RPRD2: variants seen among roughly 807,000 people sequenced by gnomAD.
The protein encoded by RPRD2 is regulation of nuclear pre-mRNA domain containing 2.
Under a neutral mutation model 104.4 loss-of-function variants are expected in RPRD2, and 12 were observed. The observed-to-expected ratio is 0.11, with a 90% CI of 0.07 to 0.19. The LOEUF is 0.19. RPRD2 is among the 10% of genes least tolerant of loss of function. The pLI is 1.00. For missense variants in RPRD2, 1,543 were observed against 1,790.1 expected (o/e 0.86, Z 2.49); for synonymous variants, 714 against 684.9 (o/e 1.04, Z -0.66).
At chr1:150,384,682 T>TG (rs200494207) in intron 1 of RPRD2, among the ~76,000 whole-genome samples, 31,752 of 122,818 alleles carry the variant, frequency 0.26, 4,161 homozygotes, top group Non-Finnish European at 0.34. Context: ...TGTGTGTGTG[T>TG]TTTTAGTAGA....
chr1:150,409,378 CCTTTT>C (rs1336509946), intron 1 of RPRD2, among the ~76,000 whole-genome samples: 1 of 152,102 alleles, frequency 6.6e-6, no homozygotes, highest in Non-Finnish European at 1.5e-5. Context: ...CTATTTTTCC[CCTTTT>C]CTTGTCTTCC....
At chr1:150,416,829 G>A (rs186788380) in intron 1 of RPRD2, among the ~76,000 whole-genome samples, 88 of 133,542 alleles carry the variant, frequency 6.6e-4, no homozygotes, top group Non-Finnish European at 1.1e-3. Context: ...CTGAGATTGC[G>A]CCACTTCACT....
intron 1 of RPRD2, among the ~76,000 whole-genome samples, chr1:150,392,397 G>A (rs72696855): frequency 0.076 from 11,502 of 152,020 alleles, 580 homozygotes; most frequent in Non-Finnish European, 0.11. Flanking sequence ...CCCAGTTATC[G>A]GGTAGGCTGA....
intron 9 of RPRD2, among the ~76,000 whole-genome samples, chr1:150,461,738 T>C (rs1381660420): frequency 6.6e-6 from 1 of 152,038 alleles, no homozygotes; most frequent in Non-Finnish European, 1.5e-5. Flanking sequence ...CCCAGCACTT[T>C]GGGAGGCCGA....
chr1:150,387,566 CCTTTTTTTTTTTTTTTTT>C (rs1162644242), intron 1 of RPRD2, among the ~76,000 whole-genome samples: 14 of 70,132 alleles, frequency 2.0e-4, no homozygotes, highest in Non-Finnish European at 3.2e-4. Flanking sequence ...TTGCAACAGA[CCTTTTTTTTTTTTTTTTT>C]TTTTTTTTTT....
chr1:150,391,697 C>T (rs915997500), intron 1 of RPRD2, among the ~76,000 whole-genome samples: 1 of 152,150 alleles, frequency 6.6e-6, no homozygotes, highest in Non-Finnish European at 1.5e-5. Context: ...CACCTAAGGT[C>T]AGGAGTTTGA....
chr1:150,376,995 G>C (rs1660748409), intron 1 of RPRD2, among the ~76,000 whole-genome samples: 1 of 149,194 alleles, frequency 6.7e-6, no homozygotes, highest in Non-Finnish European at 1.5e-5. Flanking sequence ...GAGATCACCT[G>C]AGGTCAGGAG....
intron 1 of RPRD2, among the ~76,000 whole-genome samples, chr1:150,384,673 GTGTGTGTGTT>G (rs1324668580): frequency 3.1e-4 from 40 of 130,954 alleles, no homozygotes; most frequent in East Asian, 1.6e-3. Flanking sequence ...GTGTGTGTGT[GTGTGTGTGTT>G]TTTAGTAGAG....
At chr1:150,430,397 G>A (rs782778226) in intron 2 of RPRD2, among the ~76,000 whole-genome samples, 2 of 152,150 alleles carry the variant, frequency 1.3e-5, no homozygotes, top group Admixed American at 6.5e-5. Flanking sequence ...AAGGCCAGCC[G>A]TGGTGGCTCA....
intron 1 of RPRD2, among the ~76,000 whole-genome samples, chr1:150,384,470 T>C (rs932283988): frequency 7.4e-6 from 1 of 134,350 alleles, no homozygotes; most frequent in Admixed American, 8.1e-5. Context: ...ATTATTATTA[T>C]TATTATTATT....
At chr1:150,410,715 T>G (rs1037882483) in intron 1 of RPRD2, among the ~76,000 whole-genome samples, 2 of 152,216 alleles carry the variant, frequency 1.3e-5, no homozygotes, top group Non-Finnish European at 2.9e-5. Flanking sequence ...GTTCATTTCT[T>G]AAAAACAAGG....
intron 2 of RPRD2, among the ~76,000 whole-genome samples, chr1:150,427,194 C>T (rs1482178690): frequency 1.3e-5 from 2 of 151,680 alleles, no homozygotes; most frequent in African/African-American, 2.4e-5. Flanking sequence ...AAGAAAAGGC[C>T]GGGTGCTGTG....
At chr1:150,435,201 T>C (rs1553892872) in intron 2 of RPRD2, among the ~76,000 whole-genome samples, 1 of 152,204 alleles carries the variant, frequency 6.6e-6, no homozygotes, top group Non-Finnish European at 1.5e-5. Flanking sequence ...ATGTCGTGTG[T>C]TTTCTGATTG....
intron 1 of RPRD2, among the ~76,000 whole-genome samples, chr1:150,400,991 G>A (rs781920097): frequency 1.4e-4 from 21 of 151,318 alleles, no homozygotes; most frequent in Non-Finnish European, 2.2e-4. Context: ...CCTGGCTAAC[G>A]CGGTGAAACT....
At chr1:150,398,924 T>G (rs1662757005) in intron 1 of RPRD2, among the ~76,000 whole-genome samples, 1 of 152,148 alleles carries the variant, frequency 6.6e-6, no homozygotes, top group African/African-American at 2.4e-5. Flanking sequence ...AGATGATATT[T>G]TCGTTACATA....
At chr1:150,407,033 C>T (rs587675917) in intron 1 of RPRD2, among the ~76,000 whole-genome samples, 4 of 152,184 alleles carry the variant, frequency 2.6e-5, no homozygotes, top group South Asian at 2.1e-4. Flanking sequence ...CTTGTAAGTT[C>T]GAATATGGTA....
rs1426117484 is a variant in RPRD2 at position 150,474,153 on chromosome 1, T to C, written c.*819T>C. On this transcript the variant is annotated 3_prime_UTR_variant, in exon 11 of 11. Transcript: ENST00000369068. ...CTCTTGCTTTTCCTTTTTGACTTTA[T>C]CTCCCTCAGTTTTTCTTCTGCTGTG... 1 of 152,174 alleles carries C rather than the reference T, an allele frequency of 6.6e-6. No homozygotes were observed. The highest frequency in any genetic ancestry group is 1.9e-4 in the East Asian group (1 of 5,198). 9.4% of individuals were successfully genotyped at this position (152,174 alleles called of 1,614,324 possible). A position where few individuals can be genotyped will look rare whatever the true frequency, so the allele number is the denominator to read the frequency against.
chr1:150,469,885 T>A (rs1395328229), intron 10 of RPRD2, among the ~76,000 whole-genome samples: 1 of 152,170 alleles, frequency 6.6e-6, no homozygotes, highest in Admixed American at 6.5e-5. Flanking sequence ...TGGTGGTCTG[T>A]CTTTGTAAGT....
chr1:150,449,568 T>C (rs1667017703), intron 7 of RPRD2, among the ~76,000 whole-genome samples: 1 of 152,020 alleles, frequency 6.6e-6, no homozygotes, highest in Non-Finnish European at 1.5e-5. Flanking sequence ...CCTCCCTCCT[T>C]TCCTCTCCCT....
Sources: gnomAD v4.1 joint callset for allele counts (sites outside exome capture counted in the v4.1 genomes callset) on GRCh38, gnomAD v4.1.1 for gene constraint, MANE v1.5 for transcripts, NCBI Gene and HGNC (gene_info 2026-07-23, HGNC 2026-07-21) for gene names.